CDK13: variants seen among roughly 807,000 people sequenced by gnomAD.
The protein encoded by CDK13 is cyclin-dependent kinase 13.
A neutral mutation model predicts 137.6 loss-of-function variants in CDK13; 40 were observed. That is an observed-to-expected ratio of 0.29 (90% CI 0.23 to 0.38). The LOEUF is 0.38. CDK13 is among the 10% of genes least tolerant of loss of function. CDK13 has a pLI of 1.00. For missense variants in CDK13, 1,704 were observed against 1,951.8 expected, an observed-to-expected ratio of 0.87 and a Z score of 2.39; for synonymous variants, 869 against 760.1, an observed-to-expected ratio of 1.14 and a Z score of -2.36.
intron 7 of CDK13, among the ~76,000 whole-genome samples, chr7:40,052,961 TA>T (rs906445419): frequency 6.6e-6 from 1 of 151,938 alleles, no homozygotes; most frequent in African/African-American, 2.4e-5. Context: ...ACCATGGTAA[TA>T]AAAAAATTAC....
intron 2 of CDK13, among the ~76,000 whole-genome samples, chr7:39,996,983 A>AAAAAAAAAAAAAAAAAAAAAAAAAAAAAG (rs1562719391): frequency 3.5e-5 from 5 of 141,432 alleles, no homozygotes; most frequent in African/African-American, 1.5e-4. Flanking sequence ...AAAAGAAAAA[A>AAAAAAAAAAAAAAAAAAAAAAAAAAAAAG]AAAAAGAAAA....
At chr7:40,078,380 T>C (rs1397271067) in intron 10 of CDK13, 1 of 323,624 alleles carries the variant, frequency 3.1e-6, no homozygotes, top group South Asian at 1.0e-4. Flanking sequence ...CTGGAACAGC[T>C]TTCAAGTTAC....
intron 11 of CDK13, among the ~76,000 whole-genome samples, chr7:40,079,212 A>G (rs1384865392): frequency 1.3e-5 from 2 of 152,178 alleles, no homozygotes; most frequent in African/African-American, 4.8e-5. Context: ...TGAGGTCAGG[A>G]GTTTGAGACC....
chr7:40,044,864 C>A (rs1785700849), intron 5 of CDK13, among the ~76,000 whole-genome samples: 1 of 151,926 alleles, frequency 6.6e-6, no homozygotes. Context: ...TCTTGATCTC[C>A]TGACCTCATG....
intron 5 of CDK13, among the ~76,000 whole-genome samples, chr7:40,026,901 A>G (rs775925594): frequency 3.9e-5 from 6 of 152,248 alleles, no homozygotes; most frequent in East Asian, 1.9e-4. Context: ...CAAGTTATAT[A>G]TAGACTTAGC....
rs574313552 is a variant in CDK13 at position 39,963,101 on chromosome 7, G to A, written c.1211+11249G>A. ...CTTTTGGCTTAGGATTGACTTGGCA[G>A]TGTGGGCTCTTTTTTGGTTCCATAT... On this transcript the variant is annotated intron_variant, in intron 1 of 13. Transcript: ENST00000181839. 3.2e-3 allele frequency among the ~76,000 whole-genome samples: 483 copies of A among 152,224 alleles called. 1 individual carries two copies. The highest frequency in any genetic ancestry group is 0.011 in the African/African-American group (454 of 41,562).
chr7:40,011,807 T>C (rs902435579), intron 5 of CDK13, among the ~76,000 whole-genome samples: 19 of 152,182 alleles, frequency 1.2e-4, no homozygotes, highest in African/African-American at 4.3e-4. Flanking sequence ...AAAATTACTT[T>C]TGTCCTTTAG....
intron 1 of CDK13, among the ~76,000 whole-genome samples, chr7:39,956,411 A>G (rs1473373838): frequency 6.6e-6 from 1 of 152,096 alleles, no homozygotes; most frequent in African/African-American, 2.4e-5. Flanking sequence ...GCTAATATTT[A>G]TTTCTTTCCA....
Position 39,969,299 on chromosome 7 carries a change from A to G in CDK13, c.1211+17447A>G, listed in dbSNP as rs372194371. ...AGTGCTGGGATTACAGTTATGAGCT[A>G]CGGCACCTAGCCTCAGGTGTTATTT... On this transcript the variant is annotated intron_variant, in intron 1 of 13. Transcript: ENST00000181839. Among the ~76,000 whole-genome samples, 60 of 152,326 alleles carry G rather than the reference A, an allele frequency of 3.9e-4. 1 individual carries two copies. The South Asian group carries it at 0.012, about 31-fold the overall frequency.
intron 5 of CDK13, among the ~76,000 whole-genome samples, chr7:40,016,998 G>A (rs1207160018): frequency 5.9e-5 from 9 of 151,928 alleles, no homozygotes; most frequent in Non-Finnish European, 8.8e-5. Flanking sequence ...CCAGAGTCAC[G>A]TTTTTTCAGT....
rs556139343 is a variant in CDK13, at chr7:39,975,495, C to T, written c.1212-12104C>T. Reference sequence around the variant, plus strand: ...ATTAATATAAGTATTCATTACTATTCTAGGGGCCATGAAAAAAGGAAATCT... The same window carrying T: ...ATTAATATAAGTATTCATTACTATTTTAGGGGCCATGAAAAAAGGAAATCT... On this transcript the variant is annotated intron_variant, in intron 1 of 13. Transcript: ENST00000181839. Among the ~76,000 whole-genome samples the T allele has an allele frequency of 9.9e-5, 15 of 152,276 alleles. 1 individual carries two copies. Among genetic ancestry groups the T allele is most frequent in the Middle Eastern group, 6.8e-3 (2 of 294 alleles).
rs772163913 is a variant in CDK13, at chr7:39,987,704, T to C, written c.1317T>C (p.Ser439=). ...SRSRSRHSSI[S]PSTLTLKSSL... is the part of the protein sequence containing the mutation. Reference sequence around the variant, plus strand: ...CCAGAAGTCGTCATTCTAGTATTTCTCCTAGCACACTAACTCTGAAGAGTA... The same window carrying C: ...CCAGAAGTCGTCATTCTAGTATTTCCCCTAGCACACTAACTCTGAAGAGTA... Residue 439 remains serine, a synonymous_variant, in exon 2 of 14, where the codon TCT becomes TCC. Transcript: ENST00000181839. 1.2e-6 allele frequency: 2 copies of C among 1,614,062 alleles called. No homozygotes were observed. Among genetic ancestry groups the C allele is most frequent in the Non-Finnish European group, 1.7e-6 (2 of 1,180,022 alleles).
intron 5 of CDK13, among the ~76,000 whole-genome samples, chr7:40,034,236 G>A (rs1293475155): frequency 6.6e-6 from 1 of 152,172 alleles, no homozygotes; most frequent in Non-Finnish European, 1.5e-5. Context: ...TTCCCAAGGA[G>A]CTTTCTGCAG....
At chr7:40,029,264 C>T (rs923189160) in intron 5 of CDK13, among the ~76,000 whole-genome samples, 2 of 151,096 alleles carry the variant, frequency 1.3e-5, no homozygotes, top group Non-Finnish European at 2.9e-5. Context: ...CCATCTCTAC[C>T]AAAAAATACA....
chr7:40,091,392 G>A (rs1159303674), intron 12 of CDK13, among the ~76,000 whole-genome samples: 2 of 151,218 alleles, frequency 1.3e-5, no homozygotes, highest in Non-Finnish European at 3.0e-5. Flanking sequence ...ATGGTGGCAC[G>A]CGCCTGTAAT....
rs562982539 is a variant in CDK13, at chr7:40,093,000, G to A, written c.3451G>A (p.Glu1151Lys). The change falls in exon 13 of 14, where the codon GAG becomes AAG. Residue 1151 changes from glutamate to lysine, a missense_variant. Physicochemically the swap from Glu to Lys is moderately conservative, Grantham distance 56. Transcript: ENST00000181839. ...KQTDPSTPQQ[E>K]SSKPLGGIQP... is the part of the protein sequence containing the mutation. ...GACAGATCCATCAACACCACAACAG[G>A]AGTCTTCGAAACCGTTGGGAGGAAT... 5.6e-6 allele frequency: 9 copies of A among 1,614,154 alleles called. No individual in the cohort carries two copies. The highest frequency in any genetic ancestry group is 5.0e-5 in the Admixed American group (3 of 60,004).
At chr7:40,047,707 TA>T in intron 6 of CDK13, 113 bp from the exon 7 acceptor site, 1 of 680,522 alleles carries the variant, frequency 1.5e-6, no homozygotes. Context: ...TGAGCAGAGT[TA>T]AAGTTTACAT....
chr7:40,026,828 G>A (rs534342169), intron 5 of CDK13, among the ~76,000 whole-genome samples: 1 of 152,250 alleles, frequency 6.6e-6, no homozygotes, highest in African/African-American at 2.4e-5. Context: ...TGTAGTTAAA[G>A]TTGTAGTCTG....
intron 1 of CDK13, among the ~76,000 whole-genome samples, chr7:39,976,323 T>TCTCTCTCTCTCTCACACACACACACA: frequency 9.1e-4 from 36 of 39,570 alleles, no homozygotes; most frequent in South Asian, 2.3e-3. Context: ...TCTCTCTCTC[T>TCTCTCTCTCTCTCACACACACACACA]CACACACACA....
Sources: gnomAD v4.1 joint callset for allele counts (sites outside exome capture counted in the v4.1 genomes callset) on GRCh38, gnomAD v4.1.1 for gene constraint, MANE v1.5 for transcripts, NCBI Gene and HGNC (gene_info 2026-07-23, HGNC 2026-07-21) for gene names.